GCA: variants seen among roughly 807,000 people sequenced by gnomAD.
GCA encodes the protein grancalcin.
Under a neutral mutation model 32.6 loss-of-function variants are expected in GCA, and 30 were observed. The ratio of observed to expected loss-of-function variants is 0.92; its 90% CI spans 0.69 to 1.25. The LOEUF (loss-of-function observed/expected upper bound fraction) is 1.25, where lower values mean the gene tolerates loss of function less well. Ranked by LOEUF, GCA falls within the 50% of genes most tolerant of loss-of-function variation. The pLI is 0.00. For missense variants in GCA, 291 were observed against 266.8 expected, an observed-to-expected ratio of 1.09 and a Z score of -0.63; for synonymous variants, 102 against 84.6, an observed-to-expected ratio of 1.21 and a Z score of -1.13.
At chr2:162,318,999 G>T (rs1043975413), upstream of GCA, 6 of 367,512 alleles carry the variant, frequency 1.6e-5, no homozygotes, top group East Asian at 4.4e-4. Flanking sequence ...CAAAGGGGAA[G>T]TGAACAGAAA....
At chr2:162,321,933 T>TAC (rs1558881651) in intron 1 of GCA, among the ~76,000 whole-genome samples, 11 of 86,114 alleles carry the variant, frequency 1.3e-4, no homozygotes, top group African/African-American at 2.1e-4. Flanking sequence ...TATATATATA[T>TAC]ACACACATAC....
At chr2:162,330,020 C>T (rs981212296) in intron 1 of GCA, among the ~76,000 whole-genome samples, 2 of 152,124 alleles carry the variant, frequency 1.3e-5, no homozygotes, top group African/African-American at 4.8e-5. Context: ...TTTTTTATGG[C>T]TGCATGGTTT....
Position 162,361,955 on chromosome 2 carries a change from T to C in GCA, c.*1712T>C, listed in dbSNP as rs899837053. ...TGCGGTCGATTATGATTATCTCTCT[T>C]ACTTGGAGGCTCACAGTTGAGGTAA... On this transcript the variant is annotated 3_prime_UTR_variant, in exon 8 of 8. Coordinates refer to ENST00000437150, the MANE Select transcript of GCA (RefSeq NM_012198.5). 71 of 983,662 alleles carry C rather than the reference T, an allele frequency of 7.2e-5. No homozygotes were observed. Among genetic ancestry groups the C allele is most frequent in the Non-Finnish European group, 8.3e-5 (69 of 828,632 alleles). The allele number at this position is 983,662 out of a possible 1,614,324, so 60.9% of individuals were successfully genotyped here.
chr2:162,342,107 A>G (rs554591319), upstream of GCA, among the ~76,000 whole-genome samples: 5 of 152,288 alleles, frequency 3.3e-5, 1 homozygote, highest in Admixed American at 3.3e-4. Context: ...GCAAATTAAC[A>G]TTACTGTTAT....
chr2:162,372,617 G>A (rs562963290), downstream of GCA, among the ~76,000 whole-genome samples: 12 of 152,168 alleles, frequency 7.9e-5, no homozygotes, highest in South Asian at 1.2e-3. Flanking sequence ...GAAGTATTGC[G>A]TTATTTTCCT....
chr2:162,366,951 C>G (rs1249703016), downstream of GCA, among the ~76,000 whole-genome samples: 1 of 151,746 alleles, frequency 6.6e-6, no homozygotes, highest in African/African-American at 2.4e-5. Context: ...TTTAGAAGAC[C>G]TTAAGTAGTG....
intron 1 of GCA, among the ~76,000 whole-genome samples, chr2:162,335,722 G>A (rs920036543): frequency 6.6e-6 from 1 of 152,190 alleles, no homozygotes; most frequent in South Asian, 2.1e-4. Context: ...CTAATAGGGA[G>A]TATCCCCATT....
chr2:162,352,805 A>T (rs1685069155), intron 3 of GCA, among the ~76,000 whole-genome samples: 1 of 152,188 alleles, frequency 6.6e-6, no homozygotes, highest in Admixed American at 6.5e-5. Flanking sequence ...AACATTTCCC[A>T]TCCTCCTGTC....
At chr2:162,335,287 C>T (rs1684232384) in intron 1 of GCA, among the ~76,000 whole-genome samples, 1 of 151,970 alleles carries the variant, frequency 6.6e-6, no homozygotes, top group South Asian at 2.1e-4. Context: ...TGGTGGCAGG[C>T]ACCTGTAATC....
chr2:162,367,503 T>G (rs528226244), downstream of GCA, among the ~76,000 whole-genome samples: 1 of 151,992 alleles, frequency 6.6e-6, no homozygotes, highest in Non-Finnish European at 1.5e-5. Context: ...CTTTACATAC[T>G]TGGCATGTAT....
intron 2 of GCA, among the ~76,000 whole-genome samples, chr2:162,350,857 G>T (rs1437488429): frequency 6.6e-6 from 1 of 152,092 alleles, no homozygotes. Context: ...TCGTATGGAT[G>T]AATTAACTAT....
Position 162,352,398 on chromosome 2 carries a change from A to T in GCA, c.253A>T (p.Thr85Ser), listed in dbSNP as rs1685047577. 6.4e-7 allele frequency: 1 copy of T among 1,560,316 alleles called. No homozygotes were observed. Among genetic ancestry groups the T allele is most frequent in the South Asian group, 1.1e-5 (1 of 89,900 alleles). Residue 85 changes from threonine to serine, a missense_variant, in exon 3 of 8, where the codon ACT becomes TCT. By Grantham distance (58) the Thr-to-Ser change is moderately conservative. Transcript: ENST00000437150. ...RCLTQSGING[T>S]YSPFSLETCR... is the part of the protein sequence containing the mutation. ...TTTGACACAGTCTGGAATTAATGGA[A>T]CTTACTCTCGTGAGATCTTTTTTCC...
At chr2:162,322,635 C>T (rs1417017391) in intron 1 of GCA, among the ~76,000 whole-genome samples, 1 of 145,976 alleles carries the variant, frequency 6.9e-6, no homozygotes, top group African/African-American at 2.6e-5. Flanking sequence ...TCAATTCCCA[C>T]CTATGAGTGA....
In GCA at chr2:162,361,528, G is replaced by A; in HGVS notation, c.*1285G>A. 3.1e-6 allele frequency: 3 copies of A among 979,324 alleles called. No homozygotes were observed. Among genetic ancestry groups the A allele is most frequent in the Non-Finnish European group, 3.6e-6 (3 of 824,686 alleles). 60.7% of individuals were successfully genotyped at this position (979,324 alleles called of 1,614,324 possible). A position where few individuals can be genotyped will look rare whatever the true frequency, so the allele number is the denominator to read the frequency against. On this transcript the variant is annotated 3_prime_UTR_variant, in exon 8 of 8. Transcript: ENST00000437150. ...AATCCCATGTTTCTTAATGGATGGA[G>A]GATAGATGGCAATATCTTGAACAAA...
rs1028202737 is a variant in GCA at position 162,348,913 on chromosome 2, T to G, written c.192+1171T>G. On this transcript the variant is annotated intron_variant, in intron 2 of 7. Coordinates refer to ENST00000437150, the MANE Select transcript of GCA (RefSeq NM_012198.5). ...CAAGATCGGAAGGAATACAATATTA[T>G]AAGATGCCAATGTCTTCCAAATTAA... 2.0e-5 allele frequency among the ~76,000 whole-genome samples: 3 copies of G among 152,202 alleles called. No individual in the cohort carries two copies. The South Asian group carries it at 6.2e-4, about 32-fold the overall frequency.
In GCA at chr2:162,347,711, T is replaced by C. The variant is rs755258895; in HGVS notation, c.161T>C (p.Val54Ala). 8 of 1,591,576 alleles carry C rather than the reference T, an allele frequency of 5.0e-6. No individual in the cohort carries two copies. The highest frequency in any genetic ancestry group is 6.9e-6 in the Non-Finnish European group (8 of 1,166,746). ...ACTTATTCCTCAGCTGGTGACTCCGTGTATACTTACTTCAGTGCTGTTGCT... is the reference window on the plus strand; with the variant it reads ...ACTTATTCCTCAGCTGGTGACTCCGCGTATACTTACTTCAGTGCTGTTGCT... ...SDTYSSAGDS[V>A]YTYFSAVAGQ... Residue 54 changes from valine (V) to alanine (A), a missense_variant, in exon 2 of 8, where the codon GTG (valine) becomes GCG (alanine). Physicochemically the swap from Val to Ala is moderately conservative, Grantham distance 64. Transcript: ENST00000437150.
At chr2:162,369,898 C>T (rs948449268) in intron 4 of GCA, among the ~76,000 whole-genome samples, 1 of 152,140 alleles carries the variant, frequency 6.6e-6, no homozygotes, top group Non-Finnish European at 1.5e-5. Context: ...ATCTGCATAA[C>T]ACCAAATAGT....
At chr2:162,337,188 G>C (rs546008919) in intron 1 of GCA, among the ~76,000 whole-genome samples, 32 of 152,280 alleles carry the variant, frequency 2.1e-4, no homozygotes, top group African/African-American at 7.2e-4. Context: ...TCAGCCAATG[G>C]AAGCAATAGC....
chr2:162,337,188 G>A (rs546008919), intron 1 of GCA, among the ~76,000 whole-genome samples: 1 of 152,162 alleles, frequency 6.6e-6, no homozygotes, highest in African/African-American at 2.4e-5. Context: ...TCAGCCAATG[G>A]AAGCAATAGC....
Sources: allele counts gnomAD v4.1 joint callset (sites outside exome capture counted in the v4.1 genomes callset), GRCh38; gene constraint gnomAD v4.1.1; transcripts MANE v1.5; gene names NCBI Gene and HGNC (gene_info 2026-07-23, HGNC 2026-07-21).